BACH2: variants seen among roughly 807,000 people sequenced by gnomAD.
BACH2 encodes transcription regulator protein BACH2.
BACH2 carries 5 observed loss-of-function variants against 61.8 expected under a neutral mutation model. The ratio of observed to expected loss-of-function variants is 0.08; its 90% CI spans 0.04 to 0.17. The LOEUF (loss-of-function observed/expected upper bound fraction) is 0.17. Among genes scored for constraint, BACH2 ranks in the 10% least tolerant of loss-of-function variants. The pLI, the probability that BACH2 is intolerant of heterozygous loss-of-function variation, is 1.00. For missense variants in BACH2, 824 were observed against 1,091.1 expected, an observed-to-expected ratio of 0.76 and a Z score of 3.45; for synonymous variants, 446 against 440.1, an observed-to-expected ratio of 1.01 and a Z score of -0.17.
intron 4 of BACH2, among the ~76,000 whole-genome samples, chr6:90,102,035 T>C (rs879272394): frequency 5.3e-5 from 8 of 152,222 alleles, no homozygotes; most frequent in Non-Finnish European, 8.8e-5. Flanking sequence ...TAATAGGTTT[T>C]TTCGTGTGTG....
At chr6:89,933,560 CATTG>C (rs1772813922) in intron 8 of BACH2, among the ~76,000 whole-genome samples, 1 of 151,736 alleles carries the variant, frequency 6.6e-6, no homozygotes, top group Non-Finnish European at 1.5e-5. Context: ...AGTGTAGGTT[CATTG>C]ACTAACACAT....
rs1774025713 is a variant in BACH2 at position 89,950,626 on chromosome 6, T to C, written c.1480A>G (p.Met494Val). The C allele has an allele frequency of 5.6e-6, 9 of 1,613,894 alleles. No homozygotes were observed. Among genetic ancestry groups the C allele is most frequent in the Non-Finnish European group, 6.8e-6 (8 of 1,179,980 alleles). Residue 494 changes from methionine (M) to valine (V), a missense_variant, in exon 7 of 9, where the codon ATG becomes GTG. Physicochemically the swap from Met to Val is conservative, Grantham distance 21. Around this residue, in one of 8 missense-constraint regions of BACH2, gnomAD observed 102 missense variants for 98.1 expected, o/e 1.04. Coordinates refer to ENST00000257749, the MANE Select transcript of BACH2 (RefSeq NM_021813.4). The surrounding 1 kb of genome is among the most constrained non-coding windows in gnomAD (Gnocchi z 5.3). The stretch of plus-strand genomic sequence containing the variant: ...ACCGGGCAGCTGGTGTTGGGCCGCA[T>C]CCTTCCTGGCAAGTGGTCGGCCATC... ...GLMADHLPGR[M>V]RPNTSCPVPI... is the part of the protein sequence containing the mutation.
At chr6:89,981,857 T>C (rs1250383375) in intron 6 of BACH2, among the ~76,000 whole-genome samples, 1 of 152,194 alleles carries the variant, frequency 6.6e-6, no homozygotes, top group East Asian at 1.9e-4. Context: ...GACAGAGTTA[T>C]ACGGAGCTCC....
chr6:89,950,615 G>A lies in BACH2; in HGVS notation c.1491C>T (p.Asn497=). 1 of 1,613,952 alleles carries A rather than the reference G, an allele frequency of 6.2e-7. No homozygotes were observed. Among genetic ancestry groups the A allele is most frequent in the South Asian group, 1.1e-5 (1 of 91,070 alleles). The change falls in exon 7 of 9, where the codon AAC becomes AAT. Residue 497 remains asparagine (N), a synonymous_variant. Transcript: ENST00000257749. This position sits in a 1 kb window ranked among gnomAD's most constrained non-coding sequence, Gnocchi z 5.3. ...ADHLPGRMRP[N]TSCPVPIKVC... ...CTTTGATTGGTACCGGGCAGCTGGT[G>A]TTGGGCCGCATCCTTCCTGGCAAGT...
At position 89,951,053 on chromosome 6, in the gene BACH2, C is replaced by T; in HGVS notation, c.1053G>A (p.Val351=). ...ATGTACTGGGCAGGCCAGACAGCTCCACACTTTTCGTTATGCTGAACAGAG... is the reference window on the plus strand; with the variant it reads ...ATGTACTGGGCAGGCCAGACAGCTCTACACTTTTCGTTATGCTGAACAGAG... The part of the protein sequence containing the change: ...LRSLFSITKS[V]ELSGLPSTSQ... The change falls in exon 7 of 9, where the codon GTG becomes GTA. Residue 351 remains valine, a synonymous_variant. Transcript: ENST00000257749. The surrounding 1 kb of genome is among the most constrained non-coding windows in gnomAD (Gnocchi z 6.4). The T allele has an allele frequency of 6.2e-7, 1 of 1,611,408 alleles. No homozygotes were observed. Among genetic ancestry groups the T allele is most frequent in the South Asian group, 1.1e-5 (1 of 90,620 alleles).
intron 4 of BACH2, among the ~76,000 whole-genome samples, chr6:90,168,363 C>A (rs184614782): frequency 9.5e-4 from 144 of 152,204 alleles, no homozygotes; most frequent in African/African-American, 3.4e-3. Flanking sequence ...TTTAACTAAA[C>A]CTCTAACATT....
chr6:90,254,335 T>G (rs1770909404), intron 2 of BACH2, among the ~76,000 whole-genome samples: 1 of 152,054 alleles, frequency 6.6e-6, no homozygotes, highest in Admixed American at 6.6e-5. Flanking sequence ...AAAAATTACT[T>G]AAAAATATTA....
chr6:90,223,956 T>C (rs1769827457), intron 3 of BACH2, among the ~76,000 whole-genome samples: 2 of 152,192 alleles, frequency 1.3e-5, no homozygotes, highest in Admixed American at 6.5e-5. Flanking sequence ...CTACTTACTA[T>C]CTGAAACTGA....
At chr6:90,133,132 G>A (rs1347000365) in intron 4 of BACH2, among the ~76,000 whole-genome samples, 1 of 152,188 alleles carries the variant, frequency 6.6e-6, no homozygotes, top group Admixed American at 6.5e-5. Context: ...GCTCCCAGAA[G>A]ATTATATTTT....
At chr6:90,127,758 G>T (rs1300995808) in intron 4 of BACH2, among the ~76,000 whole-genome samples, 2 of 152,190 alleles carry the variant, frequency 1.3e-5, no homozygotes, top group Non-Finnish European at 2.9e-5. Flanking sequence ...TCAGCTCGGC[G>T]ATCTGCTGTG....
intron 6 of BACH2, among the ~76,000 whole-genome samples, chr6:90,003,848 G>C (rs144774499): frequency 6.6e-6 from 1 of 152,296 alleles, no homozygotes; most frequent in East Asian, 1.9e-4. Flanking sequence ...TGTGCTCTGG[G>C]CTAAGTGAGT....
chr6:89,964,643 G>A (rs1484199110), intron 6 of BACH2, among the ~76,000 whole-genome samples: 1 of 152,152 alleles, frequency 6.6e-6, no homozygotes, highest in Non-Finnish European at 1.5e-5. Context: ...TCTGGAAGGT[G>A]GAATTGCCAA....
chr6:90,287,367 T>C (rs993415252), intron 1 of BACH2, among the ~76,000 whole-genome samples: 6 of 152,148 alleles, frequency 3.9e-5, no homozygotes, highest in South Asian at 2.1e-4. Flanking sequence ...GTAAGTGAAG[T>C]TGGATCCGCT....
chr6:90,010,318 C>T (rs1329155471), intron 5 of BACH2, among the ~76,000 whole-genome samples: 2 of 152,170 alleles, frequency 1.3e-5, no homozygotes, highest in African/African-American at 4.8e-5. Context: ...TATTAGCTTG[C>T]ATTTTCTAGA....
intron 3 of BACH2, among the ~76,000 whole-genome samples, chr6:90,212,220 C>A (rs1769378819): frequency 7.6e-6 from 1 of 131,032 alleles, no homozygotes; most frequent in South Asian, 2.6e-4. Context: ...CATTTTATTA[C>A]AGAAAGCTAA....
At chr6:90,056,225 C>A (rs1332399523) in intron 5 of BACH2, among the ~76,000 whole-genome samples, 2 of 152,210 alleles carry the variant, frequency 1.3e-5, no homozygotes, top group African/African-American at 4.8e-5. Flanking sequence ...TTCAGGAAAC[C>A]CATCTCACGT....
At chr6:90,121,237 A>G (rs1783611043) in intron 4 of BACH2, among the ~76,000 whole-genome samples, 1 of 152,230 alleles carries the variant, frequency 6.6e-6, no homozygotes, top group Non-Finnish European at 1.5e-5. Flanking sequence ...ACTTTAGGTT[A>G]AATACATGAT....
intron 3 of BACH2, among the ~76,000 whole-genome samples, chr6:90,238,018 G>A (rs936523439): frequency 1.3e-5 from 2 of 152,208 alleles, no homozygotes; most frequent in Admixed American, 6.5e-5. Context: ...TATTTATGAA[G>A]CAAGATTAAT....
chr6:90,207,380 A>G (rs890788348), intron 3 of BACH2, among the ~76,000 whole-genome samples: 6 of 152,156 alleles, frequency 3.9e-5, no homozygotes, highest in Non-Finnish European at 7.4e-5. Context: ...TAGCCTTCCA[A>G]CATGCTGGGA....
Sources: allele counts gnomAD v4.1 joint callset (sites outside exome capture counted in the v4.1 genomes callset), GRCh38; gene constraint gnomAD v4.1.1; regional missense constraint gnomAD v4.1.1; non-coding constraint Gnocchi (gnomAD v3.1); transcripts MANE v1.5; gene names NCBI Gene and HGNC (gene_info 2026-07-23, HGNC 2026-07-21).